Variants in FAM110B observed in about 807,000 individuals in gnomAD.
The protein encoded by FAM110B is protein FAM110B.
A neutral mutation model predicts 20.4 loss-of-function variants in FAM110B; 6 were observed. The ratio of observed to expected loss-of-function variants is 0.29; its 90% CI spans 0.16 to 0.58. The LOEUF is 0.58. Among genes scored for constraint, FAM110B ranks in the 20% least tolerant of loss-of-function variants. The probability of loss-of-function intolerance (pLI) is 0.90; values close to 1 mark genes in which losing one functional copy is unlikely to be tolerated. For synonymous variants in FAM110B, 226 were observed against 214.1 expected, an observed-to-expected ratio of 1.06 and a Z score of -0.49; for missense variants, 434 against 498.2, an observed-to-expected ratio of 0.87 and a Z score of 1.23.
intron 3 of FAM110B, among the ~76,000 whole-genome samples, chr8:58,135,899 A>G (rs1803599763): frequency 6.6e-6 from 1 of 151,302 alleles, no homozygotes; most frequent in Non-Finnish European, 1.5e-5. Context: ...ACCAGAGTTT[A>G]TAATCACCGA....
intron 2 of FAM110B, among the ~76,000 whole-genome samples, chr8:58,074,078 G>A (rs927510953): frequency 8.6e-5 from 13 of 152,036 alleles, no homozygotes; most frequent in South Asian, 2.1e-4. Flanking sequence ...TGTAAAATGC[G>A]CAGGCTTTAC....
chr8:58,034,601 T>G (rs1236988351), intron 2 of FAM110B, among the ~76,000 whole-genome samples: 1 of 152,166 alleles, frequency 6.6e-6, no homozygotes, highest in Non-Finnish European at 1.5e-5. Flanking sequence ...AGCCTATTCA[T>G]CCATCAAAGC....
intron 2 of FAM110B, among the ~76,000 whole-genome samples, chr8:58,045,923 C>T (rs1805311365): frequency 6.6e-6 from 1 of 152,138 alleles, no homozygotes; most frequent in Admixed American, 6.6e-5. Context: ...CCAGTGAGGG[C>T]TCCTTCCCCA....
intron 3 of FAM110B, among the ~76,000 whole-genome samples, chr8:58,126,334 A>G (rs1379046411): frequency 1.3e-5 from 2 of 152,218 alleles, no homozygotes; most frequent in Non-Finnish European, 2.9e-5. Context: ...GTTTGGAGCT[A>G]TTACAAGTAA....
intron 3 of FAM110B, among the ~76,000 whole-genome samples, chr8:58,124,908 G>A (rs1285625769): frequency 6.6e-6 from 1 of 152,166 alleles, no homozygotes; most frequent in Admixed American, 6.5e-5. Context: ...AGACCGCAAC[G>A]TCAACTCTGC....
At chr8:58,036,954 C>T (rs62512059) in intron 2 of FAM110B, among the ~76,000 whole-genome samples, 6,220 of 152,184 alleles carry the variant, frequency 0.041, 160 homozygotes, top group Admixed American at 0.059. Context: ...TAGATTTTCC[C>T]GGAATGAGTT....
chr8:58,132,393 C>T (rs1803496326), intron 3 of FAM110B, among the ~76,000 whole-genome samples: 1 of 148,802 alleles, frequency 6.7e-6, no homozygotes, highest in Admixed American at 6.6e-5. Context: ...GGGCGCTGGC[C>T]AGTATTTTTT....
intron 2 of FAM110B, among the ~76,000 whole-genome samples, chr8:58,035,619 T>C (rs1805062330): frequency 1.3e-5 from 2 of 152,280 alleles, no homozygotes; most frequent in Non-Finnish European, 2.9e-5. Flanking sequence ...TTAAGCATGC[T>C]CAGTACAGAT....
At chr8:58,082,132 A>C (rs943358869) in intron 3 of FAM110B, among the ~76,000 whole-genome samples, 1 of 152,226 alleles carries the variant, frequency 6.6e-6, no homozygotes, top group Non-Finnish European at 1.5e-5. Context: ...GCTTTGCAGC[A>C]TCAGCGCTAT....
In FAM110B at chr8:58,148,176, T is replaced by TTG. The variant is rs1336697017; in HGVS notation, c.*834_*835insGT. On this transcript the variant is annotated 3_prime_UTR_variant, in exon 4 of 4. Coordinates refer to ENST00000519262, the MANE Select transcript of FAM110B (RefSeq NM_001377989.1). Reference sequence around the variant, plus strand: ...AAGTTGTGGTTTTTTGTTTTTTTTTTTTTTTTTTTTGGTCGAGAACTACTA... The same window carrying TTG: ...AAGTTGTGGTTTTTTGTTTTTTTTTTTGTTTTTTTTTTGGTCGAGAACTACTA... 13 of 154,912 alleles carry TTG rather than the reference T, an allele frequency of 8.4e-5. No homozygotes were observed. The highest frequency in any genetic ancestry group is 1.5e-4 in the Admixed American group (2 of 13,740). 9.6% of individuals were successfully genotyped at this position (154,912 alleles called of 1,614,324 possible).
intron 2 of FAM110B, among the ~76,000 whole-genome samples, chr8:58,040,935 C>CTTTT (rs60228265): frequency 5.1e-4 from 50 of 97,326 alleles, no homozygotes; most frequent in Non-Finnish European, 7.1e-4. Context: ...ATGGGAAAAT[C>CTTTT]TTTTTTTTTT....
At chr8:58,027,490 G>A (rs1388368954) in intron 1 of FAM110B, among the ~76,000 whole-genome samples, 1 of 151,966 alleles carries the variant, frequency 6.6e-6, no homozygotes, top group Non-Finnish European at 1.5e-5. Context: ...GATTTTAAGT[G>A]TATGGTTTAA....
chr8:58,114,910 T>C lies in FAM110B; in HGVS notation c.-324-30997T>C, dbSNP rs1327385426. Among the ~76,000 whole-genome samples the C allele has an allele frequency of 2.0e-5, 3 of 152,148 alleles. No homozygotes were observed. The East Asian group carries it at 5.8e-4, about 29-fold the overall frequency. On this transcript the variant is annotated intron_variant, in intron 3 of 3. Coordinates refer to ENST00000519262, the MANE Select transcript of FAM110B (RefSeq NM_001377989.1). ...ATCTCAGCCCCGTGTTGTGTTGCCCTCTGATGAAGGGCAGCAAGGGAGATG... is the reference window on the plus strand; with the variant it reads ...ATCTCAGCCCCGTGTTGTGTTGCCCCCTGATGAAGGGCAGCAAGGGAGATG...
At chr8:58,119,440 C>T (rs746519113) in intron 3 of FAM110B, among the ~76,000 whole-genome samples, 6 of 152,284 alleles carry the variant, frequency 3.9e-5, no homozygotes, top group East Asian at 3.9e-4. Context: ...ATTCATGAGA[C>T]TGATGCCCTC....
At chr8:58,077,378 C>T (rs567842564) in intron 3 of FAM110B, among the ~76,000 whole-genome samples, 1 of 152,158 alleles carries the variant, frequency 6.6e-6, no homozygotes, top group Non-Finnish European at 1.5e-5. Context: ...CATGTTGCTC[C>T]CTCTTGTGAT....
intron 3 of FAM110B, among the ~76,000 whole-genome samples, chr8:58,124,223 C>T (rs1445937893): frequency 1.3e-5 from 2 of 152,168 alleles, no homozygotes; most frequent in Non-Finnish European, 2.9e-5. Context: ...GTACTGGATT[C>T]GTTGGGTTAC....
intron 3 of FAM110B, among the ~76,000 whole-genome samples, chr8:58,088,554 T>C (rs1375774001): frequency 6.6e-6 from 1 of 152,208 alleles, no homozygotes; most frequent in Non-Finnish European, 1.5e-5. Flanking sequence ...AATACTTATT[T>C]AACAAACCAA....
chr8:58,028,491 C>G (rs938636967), intron 1 of FAM110B, among the ~76,000 whole-genome samples: 1 of 152,080 alleles, frequency 6.6e-6, no homozygotes, highest in East Asian at 1.9e-4. Flanking sequence ...TTTGCATTTC[C>G]CTGATTAATT....
intron 3 of FAM110B, among the ~76,000 whole-genome samples, chr8:58,119,253 A>G (rs1807293185): frequency 1.3e-5 from 2 of 152,194 alleles, no homozygotes; most frequent in Non-Finnish European, 2.9e-5. Flanking sequence ...ATTTGTAAAC[A>G]ACAGAAGTTT....
Sources: allele counts gnomAD v4.1 joint callset (sites outside exome capture counted in the v4.1 genomes callset), GRCh38; gene constraint gnomAD v4.1.1; transcripts MANE v1.5; gene names NCBI Gene and HGNC (gene_info 2026-07-23, HGNC 2026-07-21).